ATG4B: variants seen among roughly 807,000 people sequenced by gnomAD.
ATG4B encodes the protein autophagy related 4B cysteine peptidase.
A neutral mutation model predicts 56.6 loss-of-function variants in ATG4B; 29 were observed. The ratio of observed to expected loss-of-function variants is 0.51; its 90% CI spans 0.38 to 0.70. ATG4B has a LOEUF of 0.70. Among genes scored for constraint, ATG4B ranks in the 30% least tolerant of loss-of-function variants. ATG4B has a pLI of 0.00. For synonymous variants in ATG4B, 224 were observed against 206.1 expected (o/e 1.09, Z -0.74); for missense variants, 461 against 515.5 (o/e 0.89, Z 1.02).
intron 5 of ATG4B, 167 bp from the exon 6 acceptor site, chr2:241,655,104 G>T (rs2068354216): frequency 1.5e-6 from 1 of 647,846 alleles, no homozygotes; most frequent in South Asian, 1.8e-5. Context: ...CTGAGACCTT[G>T]TTTGCCCCCT....
rs147409061 is a variant in ATG4B at position 241,671,314 on chromosome 2, G to T, written c.1017G>T (p.Leu339=). Residue 339 remains leucine (L), a splice_region_variant and synonymous_variant, in exon 12 of 13, where the codon CTG becomes CTT. Transcript: ENST00000404914. ...TAACGGCCATGTCTCACTAACAGCT[G>T]TCTCTGCTTGGAGGTGCCCTGCCCA... ...FNDWCQQVKK[L]SLLGGALPMF... is the part of the protein sequence containing the mutation. 4 of 1,612,380 alleles carry T rather than the reference G, an allele frequency of 2.5e-6. No homozygotes were observed. The highest frequency in any genetic ancestry group is 2.7e-5 in the African/African-American group (2 of 74,892).
At chr2:241,654,346 G>A (rs2068323313) in intron 4 of ATG4B, among the ~76,000 whole-genome samples, 200 bp from the exon 5 acceptor site, 1 of 150,560 alleles carries the variant, frequency 6.6e-6, no homozygotes, top group South Asian at 2.1e-4. Flanking sequence ...GCTTGAACCC[G>A]GGAGGTGGAG....
At chr2:241,649,801 G>C (rs931078316) in intron 1 of ATG4B, among the ~76,000 whole-genome samples, 2 of 33,830 alleles carry the variant, frequency 5.9e-5, no homozygotes, top group African/African-American at 2.2e-4. Flanking sequence ...TTTTTTTTTT[G>C]AGATGGAGTT....
At chr2:241,654,059 C>T (rs1479675608) in intron 4 of ATG4B, among the ~76,000 whole-genome samples, 3 of 149,348 alleles carry the variant, frequency 2.0e-5, no homozygotes, top group South Asian at 2.1e-4. Flanking sequence ...AAACTGTTTT[C>T]TGTACAGATT....
At position 241,671,292 on chromosome 2, in the gene ATG4B, C is replaced by T. The variant is rs753612184; in HGVS notation, c.1015-20C>T. ...AGCACTGGGGTGAGGCTGCACCTAACGGCCATGTCTCACTAACAGCTGTCT... is the reference window on the plus strand; with the variant it reads ...AGCACTGGGGTGAGGCTGCACCTAATGGCCATGTCTCACTAACAGCTGTCT... On this transcript the variant is annotated intron_variant, in intron 11 of 12. Transcript: ENST00000404914. 42 of 1,602,674 alleles carry T rather than the reference C, an allele frequency of 2.6e-5. No individual in the cohort carries two copies. Among genetic ancestry groups the T allele is most frequent in the Admixed American group, 2.0e-4 (12 of 58,924 alleles).
chr2:241,666,461 C>T (rs1423607229), intron 7 of ATG4B, 184 bp from the exon 8 acceptor site: 19 of 634,512 alleles, frequency 3.0e-5, no homozygotes, highest in Non-Finnish European at 5.3e-5. Context: ...TCTTTTTTCT[C>T]TGGGTGGCAA....
chr2:241,668,808 G>A lies in ATG4B; in HGVS notation c.957+123G>A, dbSNP rs1575091245. ...ATGTTGGGATAAGTACTGTGTTCAC[G>A]TGGTTGGGAATCTGAAGGGTATAAG... On this transcript the variant is annotated intron_variant, in intron 10 of 12. Coordinates refer to ENST00000404914, the MANE Select transcript of ATG4B (RefSeq NM_013325.5). The surrounding 1 kb of genome is among the most constrained non-coding windows in gnomAD (Gnocchi z 4.2). 6 of 1,405,144 alleles carry A rather than the reference G, an allele frequency of 4.3e-6. No homozygotes were observed. The highest frequency in any genetic ancestry group is 2.5e-5 in the Admixed American group (1 of 39,924). The allele number at this position is 1,405,144 out of a possible 1,614,324, so 87.0% of individuals were successfully genotyped here. A position where few individuals can be genotyped will look rare whatever the true frequency, so the allele number is the denominator to read the frequency against.
At chr2:241,654,973 TA>T in intron 5 of ATG4B, 4 of 574,824 alleles carry the variant, frequency 7.0e-6, no homozygotes, top group South Asian at 4.3e-5. Context: ...GTGGAGTGAG[TA>T]AAGAAGAGTT....
chr2:241,659,244 A>G (rs760767151), intron 7 of ATG4B, 57 bp downstream of exon 7: 39 of 1,493,568 alleles, frequency 2.6e-5, no homozygotes, highest in Non-Finnish European at 3.6e-5. Context: ...CAACATACAC[A>G]CTTCCTCGCC....
chr2:241,668,768 G>A lies in ATG4B; in HGVS notation c.957+83G>A, dbSNP rs138595453. 5 of 1,387,780 alleles carry A rather than the reference G, an allele frequency of 3.6e-6. No homozygotes were observed. The highest frequency in any genetic ancestry group is 1.5e-5 in the African/African-American group (1 of 64,970). 86.0% of individuals were successfully genotyped at this position (1,387,780 alleles called of 1,614,324 possible). On this transcript the variant is annotated intron_variant, in intron 10 of 12. Coordinates refer to ENST00000404914, the MANE Select transcript of ATG4B (RefSeq NM_013325.5). This position sits in a 1 kb window ranked among gnomAD's most constrained non-coding sequence, Gnocchi z 4.2. The stretch of plus-strand genomic sequence containing the variant: ...ACGAGGAAAACTTTCGGATTTTTGC[G>A]TTTTTTTTTTCAGCATGTTGGGATA...
chr2:241,668,731 T>A lies in ATG4B; in HGVS notation c.957+46T>A. 6.5e-7 allele frequency: 1 copy of A among 1,527,856 alleles called. No individual in the cohort carries two copies. Among genetic ancestry groups the A allele is most frequent in the Non-Finnish European group, 8.7e-7 (1 of 1,143,968 alleles). The allele number at this position is 1,527,856 out of a possible 1,614,324, so 94.6% of individuals were successfully genotyped here. A position where few individuals can be genotyped will look rare whatever the true frequency, so the allele number is the denominator to read the frequency against. The stretch of plus-strand genomic sequence containing the variant: ...CACACAGGCATTTGGTGCTGAATGC[T>A]GTTTGGGAATGACGAGGAAAACTTT... On this transcript the variant is annotated intron_variant, in intron 10 of 12. Coordinates refer to ENST00000404914, the MANE Select transcript of ATG4B (RefSeq NM_013325.5). This position sits in a 1 kb window ranked among gnomAD's most constrained non-coding sequence, Gnocchi z 4.2.
chr2:241,667,684 A>G (rs112548800), intron 8 of ATG4B: 2,293 of 154,590 alleles, frequency 0.015, 90 homozygotes, highest in East Asian at 0.089. Context: ...AAGGAGTCAC[A>G]TTTGTATGGA....
At chr2:241,659,556 T>C (rs2125133808) in intron 7 of ATG4B, 1 of 355,070 alleles carries the variant, frequency 2.8e-6, no homozygotes, top group East Asian at 7.4e-5. Flanking sequence ...CAACCATCTC[T>C]AGCTGCACCA....
intron 7 of ATG4B, among the ~76,000 whole-genome samples, chr2:241,660,833 T>C (rs2068568266): frequency 6.6e-6 from 1 of 152,178 alleles, no homozygotes; most frequent in African/African-American, 2.4e-5. Flanking sequence ...TTTGGGGAAA[T>C]CACTTACCCC....
intron 1 of ATG4B, among the ~76,000 whole-genome samples, chr2:241,646,760 G>A (rs2068070941): frequency 6.7e-6 from 1 of 150,264 alleles, no homozygotes; most frequent in South Asian, 2.1e-4. Flanking sequence ...ATGATGTTAG[G>A]TAGATTACGT....
At position 241,668,644 on chromosome 2, in the gene ATG4B, T is replaced by G. The variant is rs1449784721; in HGVS notation, c.916T>G (p.Cys306Gly). ...DESFHCQHPPCRMSIAELDPS... is the reference protein window; with the variant it reads ...DESFHCQHPPGRMSIAELDPS... Reference sequence around the variant, plus strand: ...GAGCTTCCACTGCCAGCACCCGCCGTGCCGCATGAGCATCGCGGAGCTTGA... The same window carrying G: ...GAGCTTCCACTGCCAGCACCCGCCGGGCCGCATGAGCATCGCGGAGCTTGA... The change falls in exon 10 of 13, where the codon TGC becomes GGC. Residue 306 changes from cysteine to glycine, a missense_variant. By Grantham distance (159) the Cys-to-Gly change is radical. Coordinates refer to ENST00000404914, the MANE Select transcript of ATG4B (RefSeq NM_013325.5). This position sits in a 1 kb window ranked among gnomAD's most constrained non-coding sequence, Gnocchi z 4.2. 6.3e-7 allele frequency: 1 copy of G among 1,584,180 alleles called. No individual in the cohort carries two copies. Among genetic ancestry groups the G allele is most frequent in the Non-Finnish European group, 8.6e-7 (1 of 1,166,242 alleles).
chr2:241,656,911 T>C (rs779414985), intron 6 of ATG4B, among the ~76,000 whole-genome samples: 1 of 152,256 alleles, frequency 6.6e-6, no homozygotes, highest in Non-Finnish European at 1.5e-5. Context: ...TTCTCCTGCC[T>C]CAGCCTCCCG....
intron 1 of ATG4B, among the ~76,000 whole-genome samples, chr2:241,649,784 C>CTTTTTTT (rs111624909): frequency 4.4e-5 from 6 of 137,506 alleles, no homozygotes; most frequent in Non-Finnish European, 7.9e-5. Flanking sequence ...TTTTCTTTTT[C>CTTTTTTT]TTTTTTTTTT....
At chr2:241,650,283 C>T (rs937223272) in intron 1 of ATG4B, among the ~76,000 whole-genome samples, 2 of 152,128 alleles carry the variant, frequency 1.3e-5, no homozygotes, top group Non-Finnish European at 2.9e-5. Context: ...TTTTTGTACC[C>T]GGGTACCTCT....
Sources: allele counts gnomAD v4.1 joint callset (sites outside exome capture counted in the v4.1 genomes callset), GRCh38; gene constraint gnomAD v4.1.1; non-coding constraint Gnocchi (gnomAD v3.1); transcripts MANE v1.5; gene names NCBI Gene and HGNC (gene_info 2026-07-23, HGNC 2026-07-21).